ATP9B: variants seen among roughly 807,000 people sequenced by gnomAD.
ATP9B encodes ATPase phospholipid transporting 9B.
ATP9B carries 110 observed loss-of-function variants against 146.1 expected under a neutral mutation model. That is an observed-to-expected ratio of 0.75 (90% CI 0.65 to 0.88). The LOEUF (loss-of-function observed/expected upper bound fraction) is 0.88. ATP9B is among the 40% of genes least tolerant of loss of function. ATP9B has a pLI of 0.00. For synonymous variants in ATP9B, 604 were observed against 569.7 expected (o/e 1.06, Z -0.86); for missense variants, 1,499 against 1,496.4 (o/e 1.00, Z -0.03).
intron 11 of ATP9B, among the ~76,000 whole-genome samples, chr18:79,227,954 G>A (rs12456847): frequency 0.38 from 57,263 of 152,140 alleles, 11,697 homozygotes; most frequent in African/African-American, 0.54. Context: ...CATGAGGGTT[G>A]AAAATCTCAT....
chr18:79,123,074 CAGTT>C (rs1433709505), intron 4 of ATP9B, among the ~76,000 whole-genome samples: 3 of 151,920 alleles, frequency 2.0e-5, no homozygotes, highest in African/African-American at 7.3e-5. Flanking sequence ...TTGTATAGGG[CAGTT>C]AGTTAAGAAA....
chr18:79,097,645 C>T (rs1227062787), intron 2 of ATP9B, among the ~76,000 whole-genome samples: 1 of 143,906 alleles, frequency 6.9e-6, no homozygotes, highest in African/African-American at 2.6e-5. Context: ...TTTGTTCTTG[C>T]GATAGTTTAC....
chr18:79,294,004 G>C (rs536933362), intron 13 of ATP9B, among the ~76,000 whole-genome samples: 1 of 152,100 alleles, frequency 6.6e-6, no homozygotes, highest in African/African-American at 2.4e-5. Context: ...AAGAAGCAAA[G>C]TATAATAGCA....
intron 11 of ATP9B, among the ~76,000 whole-genome samples, chr18:79,244,430 A>G (rs902475999): frequency 6.6e-6 from 1 of 152,114 alleles, no homozygotes; most frequent in Admixed American, 6.5e-5. Context: ...AAACGCATCA[A>G]CTAATTTTTT....
At chr18:79,179,995 A>G (rs1011985735) in intron 8 of ATP9B, among the ~76,000 whole-genome samples, 1 of 152,076 alleles carries the variant, frequency 6.6e-6, no homozygotes, top group Admixed American at 6.5e-5. Context: ...GAATTACTAT[A>G]TTTTGTTGAA....
At chr18:79,333,626 G>A (rs117907948) in intron 17 of ATP9B, among the ~76,000 whole-genome samples, 2,255 of 152,246 alleles carry the variant, frequency 0.015, 32 homozygotes, top group Non-Finnish European at 0.02. Context: ...GCCTCTAAAA[G>A]ACCTCTCCCC....
At chr18:79,303,157 C>T (rs1458761548) in intron 13 of ATP9B, among the ~76,000 whole-genome samples, 2 of 152,152 alleles carry the variant, frequency 1.3e-5, no homozygotes, top group Admixed American at 6.5e-5. Context: ...AGAAGGATCG[C>T]TTGAGACCAG....
chr18:79,094,814 C>T (rs1377041674), intron 1 of ATP9B, among the ~76,000 whole-genome samples: 1 of 152,128 alleles, frequency 6.6e-6, no homozygotes, highest in Non-Finnish European at 1.5e-5. Context: ...GTGTCAGCCC[C>T]ATCAACTGGA....
chr18:79,375,698 A>G, intron 29 of ATP9B: 1 of 985,336 alleles, frequency 1.0e-6, no homozygotes, highest in Non-Finnish European at 1.2e-6. Context: ...CCCCTAAAAC[A>G]TATTTGCCTT....
intron 1 of ATP9B, among the ~76,000 whole-genome samples, chr18:79,069,990 T>C (rs956122439): frequency 1.4e-4 from 21 of 152,226 alleles, no homozygotes; most frequent in Non-Finnish European, 1.9e-4. Flanking sequence ...TTCGATATCT[T>C]TGCTAGGCAC....
At chr18:79,279,098 C>A (rs1414193675) in intron 13 of ATP9B, among the ~76,000 whole-genome samples, 1 of 152,192 alleles carries the variant, frequency 6.6e-6, no homozygotes, top group Non-Finnish European at 1.5e-5. Context: ...AGCCATCAGG[C>A]CACCGTGAGC....
intron 8 of ATP9B, among the ~76,000 whole-genome samples, chr18:79,186,336 T>C (rs939093084): frequency 2.6e-5 from 4 of 152,214 alleles, no homozygotes; most frequent in African/African-American, 7.2e-5. Flanking sequence ...TCCTCCGTTA[T>C]TGAAAACTTC....
At chr18:79,320,854 C>T (rs1267216543) in intron 15 of ATP9B, among the ~76,000 whole-genome samples, 1 of 151,674 alleles carries the variant, frequency 6.6e-6, no homozygotes, top group Non-Finnish European at 1.5e-5. Flanking sequence ...CCTTGGGATG[C>T]TGTGGGTTTT....
intron 25 of ATP9B, among the ~76,000 whole-genome samples, chr18:79,349,450 G>C (rs1419444053): frequency 1.2e-4 from 18 of 152,320 alleles, no homozygotes; most frequent in Admixed American, 1.2e-3. Context: ...GTTGTCAGGG[G>C]CTGGCGCCGG....
chr18:79,252,774 T>G (rs562750722), intron 11 of ATP9B, among the ~76,000 whole-genome samples: 1 of 152,154 alleles, frequency 6.6e-6, no homozygotes, highest in Non-Finnish European at 1.5e-5. Flanking sequence ...AAAAAGGTTT[T>G]ATTTTAAGCT....
At chr18:79,238,884 G>C (rs1028871780) in intron 11 of ATP9B, among the ~76,000 whole-genome samples, 1 of 152,218 alleles carries the variant, frequency 6.6e-6, no homozygotes, top group Non-Finnish European at 1.5e-5. Flanking sequence ...TGACGCAGAC[G>C]CACTGCTTAG....
intron 6 of ATP9B, among the ~76,000 whole-genome samples, chr18:79,148,140 C>A (rs1374021813): frequency 6.6e-6 from 1 of 152,136 alleles, no homozygotes; most frequent in African/African-American, 2.4e-5. Flanking sequence ...ATCAGTAGTC[C>A]TGTAGCCAAT....
At chr18:79,327,819 C>T (rs368627349) in intron 15 of ATP9B, among the ~76,000 whole-genome samples, 117 of 118,378 alleles carry the variant, frequency 9.9e-4, no homozygotes, top group South Asian at 2.1e-3. Context: ...GCGTGTTCTC[C>T]GTGGTTAGTG....
chr18:79,183,846 T>G (rs971285358), intron 8 of ATP9B, among the ~76,000 whole-genome samples: 2 of 151,572 alleles, frequency 1.3e-5, no homozygotes, highest in Admixed American at 1.3e-4. Context: ...ACTGAAGAAC[T>G]TTTTTGTTAG....
Sources: gnomAD v4.1 joint callset for allele counts (sites outside exome capture counted in the v4.1 genomes callset) on GRCh38, gnomAD v4.1.1 for gene constraint, MANE v1.5 for transcripts, NCBI Gene and HGNC (gene_info 2026-07-23, HGNC 2026-07-21) for gene names.